Variants in ADGRB3 observed in about 807,000 individuals in gnomAD.
The protein encoded by ADGRB3 is brain-specific angiogenesis inhibitor 3.
A neutral mutation model predicts 193.4 loss-of-function variants in ADGRB3; 37 were observed. That is an observed-to-expected ratio of 0.19 (90% CI 0.15 to 0.25). The LOEUF (loss-of-function observed/expected upper bound fraction) is 0.25. Ranked by LOEUF, ADGRB3 falls within the 10% of genes least tolerant of loss-of-function variation. ADGRB3 has a pLI of 1.00. For synonymous variants in ADGRB3, 690 were observed against 644.2 expected, an observed-to-expected ratio of 1.07 and a Z score of -1.08; for missense variants, 1,637 against 1,852.9, an observed-to-expected ratio of 0.88 and a Z score of 2.14.
At chr6:69,383,063 C>G in intron 31 of ADGRB3, 128 bp downstream of exon 31, 1 of 492,552 alleles carries the variant, frequency 2.0e-6, no homozygotes, top group Non-Finnish European at 3.4e-6. Context: ...TATAAGCCCC[C>G]AAAACATACT....
At chr6:69,086,407 C>T (rs1772552333) in intron 17 of ADGRB3, among the ~76,000 whole-genome samples, 1 of 151,974 alleles carries the variant, frequency 6.6e-6, no homozygotes, top group South Asian at 2.1e-4. Context: ...ATTTCACTGC[C>T]CTGAATTTTC....
intron 15 of ADGRB3, among the ~76,000 whole-genome samples, chr6:69,052,385 A>G (rs1771424481): frequency 6.6e-6 from 1 of 152,222 alleles, no homozygotes; most frequent in Non-Finnish European, 1.5e-5. Context: ...GTACAAATTC[A>G]TTCTATGTGT....
At chr6:69,246,142 T>G (rs776082734) in intron 20 of ADGRB3, among the ~76,000 whole-genome samples, 2 of 152,104 alleles carry the variant, frequency 1.3e-5, no homozygotes, top group South Asian at 2.1e-4. Flanking sequence ...AAAGTTAATC[T>G]TTTTTCTTCA....
chr6:69,127,821 T>C (rs1773894402), intron 17 of ADGRB3, among the ~76,000 whole-genome samples: 1 of 152,148 alleles, frequency 6.6e-6, no homozygotes, highest in Non-Finnish European at 1.5e-5. Flanking sequence ...AAAACTATAC[T>C]ACATGAATGT....
intron 3 of ADGRB3, among the ~76,000 whole-genome samples, chr6:68,913,260 CT>C (rs1766773763): frequency 2.0e-5 from 3 of 152,188 alleles, no homozygotes; most frequent in Admixed American, 6.5e-5. Flanking sequence ...TCCCTGACCC[CT>C]GACCCCCGAG....
intron 3 of ADGRB3, among the ~76,000 whole-genome samples, chr6:68,780,505 C>T (rs577348639): frequency 6.6e-6 from 1 of 152,138 alleles, no homozygotes; most frequent in South Asian, 2.1e-4. Context: ...ATATTACAAT[C>T]AATCCAATGC....
At chr6:68,974,259 A>G (rs1768674406) in intron 8 of ADGRB3, among the ~76,000 whole-genome samples, 1 of 152,212 alleles carries the variant, frequency 6.6e-6, no homozygotes, top group Admixed American at 6.5e-5. Flanking sequence ...GCAGTTCAAA[A>G]AGAAATTACA....
chr6:69,108,387 G>GCTT (rs36055393), intron 17 of ADGRB3, among the ~76,000 whole-genome samples: 1 of 137,944 alleles, frequency 7.2e-6, no homozygotes. Flanking sequence ...CAAGCTTCTT[G>GCTT]TTTTTTTTTT....
At chr6:69,042,115 TTC>T (rs1771090491) in intron 13 of ADGRB3, among the ~76,000 whole-genome samples, 1 of 152,200 alleles carries the variant, frequency 6.6e-6, no homozygotes, top group African/African-American at 2.4e-5. Context: ...GGGCATTCAT[TTC>T]TCTCTCTGCT....
intron 3 of ADGRB3, among the ~76,000 whole-genome samples, chr6:68,720,360 C>A (rs1465665302): frequency 6.6e-6 from 1 of 151,766 alleles, no homozygotes; most frequent in East Asian, 1.9e-4. Flanking sequence ...GAACACCCCT[C>A]AGGCTATGCA....
chr6:69,352,628 A>G (rs1301242433), intron 26 of ADGRB3, among the ~76,000 whole-genome samples: 1 of 152,224 alleles, frequency 6.6e-6, no homozygotes, highest in African/African-American at 2.4e-5. Flanking sequence ...TTATTGGGCC[A>G]GTTGGCCAGT....
chr6:68,875,927 C>G (rs1026163521), intron 3 of ADGRB3, among the ~76,000 whole-genome samples: 1 of 152,030 alleles, frequency 6.6e-6, no homozygotes, highest in African/African-American at 2.4e-5. Flanking sequence ...CATCCATATA[C>G]TGTATGTTTA....
At chr6:68,915,268 G>T (rs1766844161) in intron 3 of ADGRB3, among the ~76,000 whole-genome samples, 1 of 142,722 alleles carries the variant, frequency 7.0e-6, no homozygotes, top group Non-Finnish European at 1.5e-5. Flanking sequence ...TAAGTAAAAT[G>T]AGAATAATAA....
At chr6:68,984,900 AT>A (rs61481283) in intron 10 of ADGRB3, among the ~76,000 whole-genome samples, 85,354 of 151,080 alleles carry the variant, frequency 0.56, 24,364 homozygotes, top group East Asian at 0.69. Context: ...CATCTGATGG[AT>A]TTTTTTTTTC....
intron 3 of ADGRB3, among the ~76,000 whole-genome samples, chr6:68,923,249 A>G (rs946085785): frequency 1.3e-5 from 2 of 152,080 alleles, no homozygotes; most frequent in African/African-American, 4.8e-5. Context: ...CTCTTTTAAT[A>G]AAGCATTTTT....
At position 68,635,591 on chromosome 6, in the gene ADGRB3, G is replaced by T. The variant is rs2256337; in HGVS notation, c.-597G>T. 0.31 allele frequency: 48,260 copies of T among 153,680 alleles called. 7,857 individuals carry two copies. The highest frequency in any genetic ancestry group is 0.36 in the Non-Finnish European group (25,101 of 69,308). 9.5% of individuals were successfully genotyped at this position (153,680 alleles called of 1,614,324 possible). ...GCCGCCGGTCACTTCTCGTCTCAGC[G>T]CTTTCTTTGCTTCTTGGTTTGTTGG... On this transcript the variant is annotated 5_prime_UTR_variant, in exon 1 of 32. Coordinates refer to ENST00000370598, the MANE Select transcript of ADGRB3 (RefSeq NM_001704.3).
intron 17 of ADGRB3, among the ~76,000 whole-genome samples, chr6:69,129,458 A>C (rs1561928219): frequency 6.6e-6 from 1 of 152,066 alleles, no homozygotes; most frequent in Non-Finnish European, 1.5e-5. Flanking sequence ...GTGACAAATA[A>C]GGAGAAAAGA....
chr6:68,869,604 T>C (rs1765401456), intron 3 of ADGRB3, among the ~76,000 whole-genome samples: 2 of 152,170 alleles, frequency 1.3e-5, no homozygotes, highest in Admixed American at 6.6e-5. Context: ...AGAGCAAATG[T>C]CTATTCCTAA....
At chr6:69,211,641 T>C (rs1765669878) in intron 17 of ADGRB3, among the ~76,000 whole-genome samples, 1 of 152,162 alleles carries the variant, frequency 6.6e-6, no homozygotes, top group Non-Finnish European at 1.5e-5. Flanking sequence ...TCATTTATAT[T>C]ATATAAGATA....
Sources: gnomAD v4.1 joint callset for allele counts (sites outside exome capture counted in the v4.1 genomes callset) on GRCh38, gnomAD v4.1.1 for gene constraint, MANE v1.5 for transcripts, NCBI Gene and HGNC (gene_info 2026-07-23, HGNC 2026-07-21) for gene names.